ACO1: variants seen among roughly 807,000 people sequenced by gnomAD.
The protein encoded by ACO1 is cytoplasmic aconitate hydratase.
ACO1 carries 78 observed loss-of-function variants against 105.1 expected under a neutral mutation model. The observed-to-expected ratio is 0.74, with a 90% CI of 0.62 to 0.90. The LOEUF is 0.90. ACO1 is among the 40% of genes least tolerant of loss of function. ACO1 has a pLI of 0.00. For synonymous variants in ACO1, 364 were observed against 397.4 expected, an observed-to-expected ratio of 0.92 and a Z score of 1.00; for missense variants, 965 against 1,111.1, an observed-to-expected ratio of 0.87 and a Z score of 1.87.
intron 1 of ACO1, among the ~76,000 whole-genome samples, chr9:32,390,719 TAA>T (rs1821250056): frequency 6.6e-6 from 1 of 152,228 alleles, no homozygotes; most frequent in Non-Finnish European, 1.5e-5. Context: ...GTTTGGATTT[TAA>T]AAGATTTTAA....
intron 18 of ACO1, among the ~76,000 whole-genome samples, 171 bp downstream of exon 18, chr9:32,436,568 A>G (rs1239439884): frequency 6.6e-6 from 1 of 152,188 alleles, no homozygotes; most frequent in Non-Finnish European, 1.5e-5. Flanking sequence ...ATCATTGACA[A>G]ATTCAAACCT....
intron 4 of ACO1, among the ~76,000 whole-genome samples, chr9:32,413,647 A>T (rs1821790074): frequency 6.6e-6 from 1 of 152,190 alleles, no homozygotes; most frequent in African/African-American, 2.4e-5. Flanking sequence ...GCTGTGGGCT[A>T]ATTTCCAGCT....
intron 8 of ACO1, among the ~76,000 whole-genome samples, chr9:32,422,386 A>G (rs1821994272): frequency 6.6e-6 from 1 of 152,224 alleles, no homozygotes; most frequent in Admixed American, 6.5e-5. Context: ...GGTCAGGACA[A>G]ATACATTAGT....
At chr9:32,425,725 CCTT>C (rs1822075692) in intron 10 of ACO1, 110 bp from the exon 11 acceptor site, 1 of 660,016 alleles carries the variant, frequency 1.5e-6, no homozygotes, top group Non-Finnish European at 2.3e-6. Context: ...CCAAAGTATT[CCTT>C]CTTCTCAAGT....
At chr9:32,404,397 C>T (rs756820443) in intron 1 of ACO1, among the ~76,000 whole-genome samples, 5 of 152,140 alleles carry the variant, frequency 3.3e-5, no homozygotes, top group African/African-American at 4.8e-5. Context: ...CACCTCTGGT[C>T]GAATAGGGCC....
intron 3 of ACO1, among the ~76,000 whole-genome samples, chr9:32,407,683 G>C (rs1821646006): frequency 2.6e-5 from 4 of 152,124 alleles, no homozygotes; most frequent in African/African-American, 9.7e-5. Flanking sequence ...CATTATCCTT[G>C]CTCTTAAAGA....
Position 32,420,921 on chromosome 9 carries a change from G to T in ACO1, c.864G>T (p.Leu288Phe), listed in dbSNP as rs554238047. The change falls in exon 8 of 21, where the codon TTG becomes TTT. Residue 288 changes from leucine to phenylalanine, a missense_variant. By Grantham distance (22) the Leu-to-Phe change is conservative (BLOSUM62 0). Coordinates refer to ENST00000309951, the MANE Select transcript of ACO1 (RefSeq NM_002197.3). ...TCTTCGGGCCTGGAGTAGCCCAGTT[G>T]TCCATTGCTGACCGAGCTACGATTG... ...VEFFGPGVAQ[L>F]SIADRATIAN... 544 of 1,614,070 alleles carry T rather than the reference G, an allele frequency of 3.4e-4. 6 individuals are homozygous for T. In the South Asian group the frequency reaches 5.7e-3, roughly 17 times the overall value.
At chr9:32,441,649 G>A (rs1822482848) in intron 19 of ACO1, among the ~76,000 whole-genome samples, 1 of 152,198 alleles carries the variant, frequency 6.6e-6, no homozygotes, top group Non-Finnish European at 1.5e-5. Context: ...ATTTTAGGAA[G>A]GGGGTTGGGA....
intron 18 of ACO1, among the ~76,000 whole-genome samples, chr9:32,436,685 G>C (rs10813815): frequency 0.31 from 47,728 of 152,086 alleles, 7,597 homozygotes; most frequent in East Asian, 0.51. Context: ...GGAAATACCA[G>C]GTTAAATTAA....
At chr9:32,398,110 A>G (rs982518349) in intron 1 of ACO1, among the ~76,000 whole-genome samples, 1 of 152,092 alleles carries the variant, frequency 6.6e-6, no homozygotes, top group African/African-American at 2.4e-5. Context: ...CTGTGTGGAA[A>G]TCCTGTGATT....
intron 4 of ACO1, among the ~76,000 whole-genome samples, chr9:32,414,705 T>C (rs1338068661): frequency 6.6e-6 from 1 of 151,938 alleles, no homozygotes; most frequent in Non-Finnish European, 1.5e-5. Context: ...TGACTAGGAG[T>C]CCATAAGTGC....
intron 19 of ACO1, among the ~76,000 whole-genome samples, chr9:32,447,593 T>TAGTTTTGTTC (rs989725710): frequency 3.9e-5 from 6 of 152,198 alleles, no homozygotes; most frequent in Admixed American, 3.9e-4. Flanking sequence ...ATTCACCGTC[T>TAGTTTTGTTC]AGTTTTGTTC....
intron 1 of ACO1, among the ~76,000 whole-genome samples, chr9:32,399,528 C>T (rs1040162283): frequency 3.9e-5 from 6 of 152,206 alleles, no homozygotes; most frequent in South Asian, 2.1e-4. Context: ...TCCTTTCACT[C>T]GGCTCTTTTC....
At chr9:32,443,055 T>G (rs903969862) in intron 19 of ACO1, among the ~76,000 whole-genome samples, 2 of 152,090 alleles carry the variant, frequency 1.3e-5, no homozygotes, top group African/African-American at 2.4e-5. Context: ...TTACAAAGTC[T>G]TTTGTTTATT....
intron 18 of ACO1, among the ~76,000 whole-genome samples, chr9:32,438,952 C>A (rs1273354165): frequency 1.3e-5 from 2 of 152,222 alleles, no homozygotes; most frequent in African/African-American, 4.8e-5. Context: ...TAGAGATACA[C>A]AGGCACAGTA....
At chr9:32,429,718 T>C (rs565435493) in intron 13 of ACO1, among the ~76,000 whole-genome samples, 1 of 152,330 alleles carries the variant, frequency 6.6e-6, no homozygotes, top group African/African-American at 2.4e-5. Flanking sequence ...TTGGAGATGA[T>C]AATAGTATCT....
chr9:32,407,185 A>C lies in ACO1; in HGVS notation c.98-76A>C, dbSNP rs1002478732. 40 of 1,366,254 alleles carry C rather than the reference A, an allele frequency of 2.9e-5. No homozygotes were observed. The African/African-American group carries it at 5.0e-4, about 17-fold the overall frequency. The allele number at this position is 1,366,254 out of a possible 1,614,324, so 84.6% of individuals were successfully genotyped here. ...TAGTCTGATGCCTCATATCAACTTT[A>C]TATAGAGATTGGCCTTAAAGAGCGC... is the stretch of plus-strand genomic sequence containing the variant. On this transcript the variant is annotated intron_variant, in intron 2 of 20. Transcript: ENST00000309951.
At chr9:32,412,901 G>T (rs1231339651) in intron 4 of ACO1, among the ~76,000 whole-genome samples, 1 of 152,086 alleles carries the variant, frequency 6.6e-6, no homozygotes, top group Non-Finnish European at 1.5e-5. Context: ...TGCCTAGAAG[G>T]TGAAAGTACA....
chr9:32,398,175 A>G (rs747792672), intron 1 of ACO1, among the ~76,000 whole-genome samples: 15 of 152,220 alleles, frequency 9.9e-5, no homozygotes, highest in Non-Finnish European at 4.4e-5. Context: ...GTAATTAATT[A>G]TAATATTTCA....
Sources: gnomAD v4.1 joint callset for allele counts (sites outside exome capture counted in the v4.1 genomes callset) on GRCh38, gnomAD v4.1.1 for gene constraint, MANE v1.5 for transcripts, NCBI Gene and HGNC (gene_info 2026-07-23, HGNC 2026-07-21) for gene names.